The following SV2C variants were observed in gnomAD, a reference collection of about 807,000 sequenced individuals.
The protein encoded by SV2C is solute carrier family 22 member B3.
In SV2C, 49 loss-of-function variants were observed where a neutral mutation model predicts 79.7. The observed-to-expected ratio is 0.61, with a 90% CI of 0.49 to 0.78. SV2C has a LOEUF of 0.78. Among genes scored for constraint, SV2C ranks in the 30% least tolerant of loss-of-function variants. The pLI is 0.00. For missense variants in SV2C, 833 were observed against 912.9 expected (o/e 0.91, Z 1.13); for synonymous variants, 334 against 333.2 (o/e 1.00, Z -0.03).
the SV2C span, among the ~76,000 whole-genome samples, chr5:75,860,730 A>G: frequency 6.6e-6 from 1 of 152,262 alleles, no homozygotes; most frequent in African/African-American, 2.4e-5. Flanking sequence ...TGGTACTAGT[A>G]CAAAAACACA....
the SV2C span, among the ~76,000 whole-genome samples, chr5:75,913,549 G>C: frequency 3.9e-5 from 6 of 152,314 alleles, no homozygotes; most frequent in Admixed American, 3.9e-4. Flanking sequence ...ATTTCATAAA[G>C]TACGTAGAGG....
At chr5:75,918,417 A>G in the SV2C span, among the ~76,000 whole-genome samples, 2 of 152,256 alleles carry the variant, frequency 1.3e-5, no homozygotes, top group Admixed American at 6.5e-5. Context: ...TTTTATTTCA[A>G]TGACAATTTG....
At chr5:76,061,602 G>A in the SV2C span, among the ~76,000 whole-genome samples, 1 of 152,008 alleles carries the variant, frequency 6.6e-6, no homozygotes, top group Non-Finnish European at 1.5e-5. Flanking sequence ...TTTATTCTGG[G>A]TAAGAATTAT....
the SV2C span, among the ~76,000 whole-genome samples, chr5:75,934,953 C>T: frequency 6.8e-6 from 1 of 147,650 alleles, no homozygotes; most frequent in African/African-American, 2.5e-5. Flanking sequence ...TTTGTTATAT[C>T]ATGGAAAAGA....
intron 4 of SV2C, among the ~76,000 whole-genome samples, chr5:76,250,012 C>T (rs1248050104): frequency 6.6e-6 from 1 of 152,180 alleles, no homozygotes; most frequent in Admixed American, 6.5e-5. Flanking sequence ...TCTTTCAGTT[C>T]TCTCTCAAAG....
intron 2 of SV2C, among the ~76,000 whole-genome samples, chr5:76,149,925 A>G (rs1749550293): frequency 1.3e-5 from 2 of 152,126 alleles, no homozygotes; most frequent in African/African-American, 2.4e-5. Flanking sequence ...GACTCCTTCC[A>G]TTTTCTTCCC....
intron 4 of SV2C, among the ~76,000 whole-genome samples, chr5:76,284,209 T>C (rs980626024): frequency 6.6e-6 from 1 of 152,120 alleles, no homozygotes; most frequent in South Asian, 2.1e-4. Context: ...TATTCAAATA[T>C]TAGCTTTCTT....
At chr5:75,880,238 A>G in the SV2C span, among the ~76,000 whole-genome samples, 1 of 151,900 alleles carries the variant, frequency 6.6e-6, no homozygotes, top group African/African-American at 2.4e-5. Flanking sequence ...CCTTTTAGAC[A>G]TGCAAATAAC....
At chr5:75,982,218 C>CTTAAAG in the SV2C span, among the ~76,000 whole-genome samples, 67,246 of 148,242 alleles carry the variant, frequency 0.45, 16,120 homozygotes, top group African/African-American at 0.55. Flanking sequence ...TACCCTAAAA[C>CTTAAAG]TTAATTAAAA....
At chr5:75,875,842 C>G in the SV2C span, among the ~76,000 whole-genome samples, 2 of 152,044 alleles carry the variant, frequency 1.3e-5, no homozygotes, top group South Asian at 2.1e-4. Flanking sequence ...TATCACTGAT[C>G]ATTAGATAAA....
intron 9 of SV2C, among the ~76,000 whole-genome samples, chr5:76,297,936 T>G (rs1747833629): frequency 6.6e-6 from 1 of 152,126 alleles, no homozygotes; most frequent in Non-Finnish European, 1.5e-5. Context: ...TCATAGTCTC[T>G]TAATAAAGTA....
chr5:76,175,155 C>A (rs901270121), intron 2 of SV2C, among the ~76,000 whole-genome samples: 1 of 152,204 alleles, frequency 6.6e-6, no homozygotes, highest in Admixed American at 6.5e-5. Flanking sequence ...CCAACCCCTA[C>A]GCTGGCCTGG....
Position 76,211,832 on chromosome 5 carries a change from G to A in SV2C, c.913+1945G>A, listed in dbSNP as rs76780247. On this transcript the variant is annotated intron_variant, in intron 4 of 12. Coordinates refer to ENST00000502798, the MANE Select transcript of SV2C (RefSeq NM_014979.4). ...GCTGAGTTACAAAATCATGTCACAC[G>A]CTTTCTTTTGATGAACCTGAAAAGT... 8.2e-3 allele frequency among the ~76,000 whole-genome samples: 1,245 copies of A among 152,118 alleles called. 12 individuals are homozygous for A. The highest frequency in any genetic ancestry group is 0.028 in the African/African-American group (1,178 of 41,486).
the SV2C span, among the ~76,000 whole-genome samples, chr5:76,019,089 A>C: frequency 6.6e-6 from 1 of 152,150 alleles, no homozygotes; most frequent in African/African-American, 2.4e-5. Flanking sequence ...ATAAAAAGAG[A>C]GAGAGAGAAA....
chr5:76,080,565 T>TA (rs1746970519), upstream of SV2C, among the ~76,000 whole-genome samples: 1 of 152,232 alleles, frequency 6.6e-6, no homozygotes, highest in South Asian at 2.1e-4. Flanking sequence ...CTTGTGTATA[T>TA]TATAAAATAT....
intron 1 of SV2C, among the ~76,000 whole-genome samples, chr5:76,091,296 A>T (rs1464919669): frequency 2.6e-5 from 4 of 152,172 alleles, no homozygotes; most frequent in Admixed American, 1.3e-4. Context: ...AGCAACCATA[A>T]TCACTTCTGT....
the SV2C span, among the ~76,000 whole-genome samples, chr5:76,015,581 A>G: frequency 2.4e-4 from 37 of 152,228 alleles, no homozygotes; most frequent in South Asian, 7.5e-3. Flanking sequence ...TATATTATAT[A>G]TTTATGAACT....
At chr5:75,926,821 T>C in the SV2C span, among the ~76,000 whole-genome samples, 1 of 152,144 alleles carries the variant, frequency 6.6e-6, no homozygotes, top group Non-Finnish European at 1.5e-5. Context: ...ATATTAACCA[T>C]TTGAAAAAAT....
At chr5:76,325,073 T>C (rs1262321794) in intron 12 of SV2C, among the ~76,000 whole-genome samples, 1 of 152,296 alleles carries the variant, frequency 6.6e-6, no homozygotes, top group African/African-American at 2.4e-5. Flanking sequence ...CCACTAGAGA[T>C]GTTTCGTACT....
Sources: gnomAD v4.1 joint callset for allele counts (sites outside exome capture counted in the v4.1 genomes callset) on GRCh38, gnomAD v4.1.1 for gene constraint, MANE v1.5 for transcripts, NCBI Gene and HGNC (gene_info 2026-07-23, HGNC 2026-07-21) for gene names.